GPI: variants seen among roughly 807,000 people sequenced by gnomAD.
GPI encodes the protein D-hexose-6-phosphate anomerase.
A neutral mutation model predicts 75.8 loss-of-function variants in GPI; 56 were observed. That is an observed-to-expected ratio of 0.74 (90% confidence interval 0.60 to 0.92). The LOEUF (loss-of-function observed/expected upper bound fraction) is 0.92, where lower values mean the gene tolerates loss of function less well. Ranked by LOEUF, GPI falls within the 40% of genes least tolerant of loss-of-function variation. GPI has a pLI of 0.00. For synonymous variants in GPI, 288 were observed against 285.4 expected (o/e 1.01, Z -0.09); for missense variants, 638 against 741.0 (o/e 0.86, Z 1.61).
chr19:34,384,789 T>TC (rs1475722664), intron 9 of GPI, among the ~76,000 whole-genome samples: 1 of 152,068 alleles, frequency 6.6e-6, no homozygotes, highest in Non-Finnish European at 1.5e-5. Flanking sequence ...ACACCTATAA[T>TC]CCCAGCAATT....
chr19:34,371,684 A>G (rs558036483), intron 4 of GPI, among the ~76,000 whole-genome samples: 182 of 151,594 alleles, frequency 1.2e-3, no homozygotes, highest in African/African-American at 4.2e-3. Flanking sequence ...CCCCATCTCT[A>G]CTAAAAAAAA....
At position 34,365,506 on chromosome 19, in the gene GPI, C is replaced by G. The variant is rs574414232; in HGVS notation, c.122+118C>G. 7.0e-4 allele frequency: 1,012 copies of G among 1,450,480 alleles called. 5 individuals are homozygous for G. In the African/African-American group the frequency reaches 0.013, roughly 19 times the overall value. The allele number at this position is 1,450,480 out of a possible 1,614,324, so 89.9% of individuals were successfully genotyped here. A position where few individuals can be genotyped will look rare whatever the true frequency, so the allele number is the denominator to read the frequency against. On this transcript the variant is annotated intron_variant, in intron 1 of 17. Coordinates refer to ENST00000356487, the MANE Select transcript of GPI (RefSeq NM_000175.5). ...GGGACCCCAGTCCCCGACCTCCAGG[C>G]CACGGACTGGGGCCCAGGCCGAGTC...
At chr19:34,388,485 A>ATCTTTTTTTTTG (rs2074772475) in intron 9 of GPI, among the ~76,000 whole-genome samples, 1 of 124,916 alleles carries the variant, frequency 8.0e-6, no homozygotes, top group African/African-American at 3.6e-5. Flanking sequence ...TCAAAAAAAA[A>ATCTTTTTTTTTG]GAAAGTGAGT....
Position 34,393,221 on chromosome 19 carries a change from C to T in GPI, c.805-27C>T. 6.3e-7 allele frequency: 1 copy of T among 1,591,670 alleles called. No homozygotes were observed. The highest frequency in any genetic ancestry group is 1.7e-5 in the Admixed American group (1 of 59,998). On this transcript the variant is annotated intron_variant, in intron 9 of 17. Transcript: ENST00000356487. The surrounding 1 kb of genome is among the most constrained non-coding windows in gnomAD (Gnocchi z 4.4). ...GGGGGGCGGGGTGTGCCGGCCCTCC[C>T]TCAGCACCTTGTCCTGTCTCTCCTA... is the stretch of plus-strand genomic sequence containing the variant.
chr19:34,372,628 C>T (rs964353530), intron 4 of GPI, among the ~76,000 whole-genome samples: 11 of 152,080 alleles, frequency 7.2e-5, no homozygotes, highest in Admixed American at 3.3e-4. Context: ...AGCAACAGAG[C>T]GAGACCCTGT....
chr19:34,373,342 TG>T (rs1483933947), intron 4 of GPI, among the ~76,000 whole-genome samples: 1 of 149,790 alleles, frequency 6.7e-6, no homozygotes, highest in Non-Finnish European at 1.5e-5. Context: ...AGAGCTGAGA[TG>T]GCGCCACTGC....
At chr19:34,399,418 T>C in intron 15 of GPI, 83 bp downstream of exon 15, 7 of 1,589,078 alleles carry the variant, frequency 4.4e-6, no homozygotes, top group Non-Finnish European at 6.0e-6. Flanking sequence ...GCTTGGGGCG[T>C]GCCTGGCTTG....
chr19:34,366,927 C>T, intron 3 of GPI, 76 bp downstream of exon 3: 2 of 1,086,338 alleles, frequency 1.8e-6, no homozygotes, highest in Non-Finnish European at 1.4e-6. Context: ...CCGCATCACC[C>T]TGTGTCTTCA....
intron 2 of GPI, 36 bp downstream of exon 2, chr19:34,366,471 G>T (rs368757760): frequency 2.8e-6 from 4 of 1,441,926 alleles, no homozygotes; most frequent in Non-Finnish European, 3.9e-6. Context: ...ACTGGTAACC[G>T]ACAGAGTGGT....
chr19:34,394,276 G>C (rs554476842), intron 12 of GPI, among the ~76,000 whole-genome samples: 1 of 152,294 alleles, frequency 6.6e-6, no homozygotes, highest in African/African-American at 2.4e-5. Flanking sequence ...CACCATGGGA[G>C]GGGCATGACT....
chr19:34,365,143 C>G (rs571378833), upstream of GPI: 1 of 1,228,072 alleles, frequency 8.1e-7, no homozygotes, highest in African/African-American at 1.6e-5. Flanking sequence ...GGGGCCGGGC[C>G]GGGCCGGGCC....
rs564803059 is a variant in GPI at position 34,397,142 on chromosome 19, G to A, written c.1269+485G>A. 1.8e-5 allele frequency: 4 copies of A among 225,038 alleles called. No individual in the cohort carries two copies. In the South Asian group the frequency reaches 2.8e-4, roughly 16 times the overall value. The allele number at this position is 225,038 out of a possible 1,614,324, so 13.9% of individuals were successfully genotyped here. On this transcript the variant is annotated intron_variant, in intron 14 of 17. Coordinates refer to ENST00000356487, the MANE Select transcript of GPI (RefSeq NM_000175.5). ...AGAGTTTCTGAAGCTCAAATATCCA[G>A]CAGGCCCTGATGTGTCTCTGCTTAG... is the stretch of plus-strand genomic sequence containing the variant.
chr19:34,370,706 C>CA (rs2074438372), intron 4 of GPI, among the ~76,000 whole-genome samples: 1 of 151,198 alleles, frequency 6.6e-6, no homozygotes, highest in Non-Finnish European at 1.5e-5. Context: ...GCCTGGGTGA[C>CA]AGAGTGAGGC....
upstream of GPI, chr19:34,364,948 T>C: frequency 6.6e-7 from 1 of 1,525,928 alleles, no homozygotes; most frequent in Non-Finnish European, 8.8e-7. Context: ...TGGGCTCCAG[T>C]GATCCCCGGG....
At chr19:34,383,525 G>A (rs558141992) in intron 9 of GPI, among the ~76,000 whole-genome samples, 1 of 152,326 alleles carries the variant, frequency 6.6e-6, no homozygotes, top group Non-Finnish European at 1.5e-5. Flanking sequence ...CAGGATTAGG[G>A]ACACACAGGT....
chr19:34,396,831 G>C (rs986467934), intron 14 of GPI, among the ~76,000 whole-genome samples, 174 bp downstream of exon 14: 1 of 152,114 alleles, frequency 6.6e-6, no homozygotes, highest in Non-Finnish European at 1.5e-5. Context: ...GGGGAGGGGG[G>C]ACAGAGTCTT....
chr19:34,379,680 G>A, intron 8 of GPI, 118 bp downstream of exon 8: 1 of 886,098 alleles, frequency 1.1e-6, no homozygotes, highest in Non-Finnish European at 1.9e-6. Flanking sequence ...CTGATGGTAT[G>A]GAAGGTTTGG....
At chr19:34,384,089 A>C (rs2074696622) in intron 9 of GPI, among the ~76,000 whole-genome samples, 1 of 152,162 alleles carries the variant, frequency 6.6e-6, no homozygotes, top group East Asian at 1.9e-4. Context: ...GTTGGAGCTA[A>C]AGATAGGCAG....
upstream of GPI, among the ~76,000 whole-genome samples, chr19:34,364,290 G>C (rs2074322273): frequency 6.6e-6 from 1 of 152,066 alleles, no homozygotes; most frequent in South Asian, 2.1e-4. Flanking sequence ...AAAGTGCTGG[G>C]ATTATAGGCA....
Sources: gnomAD v4.1 joint callset for allele counts (sites outside exome capture counted in the v4.1 genomes callset) on GRCh38, gnomAD v4.1.1 for gene constraint, Gnocchi (gnomAD v3.1) non-coding constraint, MANE v1.5 for transcripts, NCBI Gene and HGNC (gene_info 2026-07-23, HGNC 2026-07-21) for gene names.